PTPRD: variants seen among roughly 807,000 people sequenced by gnomAD.
PTPRD encodes protein tyrosine phosphatase receptor type D.
Under a neutral mutation model 214.5 loss-of-function variants are expected in PTPRD, and 34 were observed. The ratio of observed to expected loss-of-function variants is 0.16; its 90% CI spans 0.12 to 0.21. The LOEUF is 0.21. PTPRD is among the 10% of genes least tolerant of loss of function. The probability of loss-of-function intolerance (pLI) is 1.00; values close to 1 mark genes in which losing one functional copy is unlikely to be tolerated. For synonymous variants in PTPRD, 1,128 were observed against 845.7 expected, an observed-to-expected ratio of 1.33 and a Z score of -5.79; for missense variants, 2,545 against 2,398.7, an observed-to-expected ratio of 1.06 and a Z score of -1.27.
intron 3 of PTPRD, among the ~76,000 whole-genome samples, chr9:10,116,345 A>AG (rs1008342026): frequency 1.3e-5 from 2 of 152,116 alleles, no homozygotes; most frequent in African/African-American, 4.8e-5. Flanking sequence ...GAATTAGTTC[A>AG]GGGGGTCACT....
chr9:9,847,035 T>C (rs946218849), intron 5 of PTPRD, among the ~76,000 whole-genome samples: 1 of 152,138 alleles, frequency 6.6e-6, no homozygotes, highest in Non-Finnish European at 1.5e-5. Context: ...TTCAAGTAAT[T>C]AGGTTTTTCT....
intron 3 of PTPRD, among the ~76,000 whole-genome samples, chr9:10,039,395 C>T (rs78445100): frequency 6.6e-6 from 1 of 151,918 alleles, no homozygotes; most frequent in Non-Finnish European, 1.5e-5. Flanking sequence ...GGAAAAAGGA[C>T]CTATATGAGT....
intron 3 of PTPRD, among the ~76,000 whole-genome samples, chr9:10,308,755 T>G (rs928030850): frequency 6.6e-6 from 1 of 152,062 alleles, no homozygotes; most frequent in African/African-American, 2.4e-5. Context: ...GCAGTTTTCC[T>G]TGCAGAGGTT....
chr9:8,858,796 A>AACACACACACACACACACACAC (rs71317379), intron 11 of PTPRD, among the ~76,000 whole-genome samples: 4 of 141,790 alleles, frequency 2.8e-5, no homozygotes, highest in Admixed American at 7.1e-5. Flanking sequence ...TGAAGGAGGC[A>AACACACACACACACACACACAC]ACACACACAC....
Position 9,203,996 on chromosome 9 carries a change from G to T in PTPRD, c.-202-20633C>A, listed in dbSNP as rs181243209. On this transcript the variant is annotated intron_variant, in intron 9 of 45. Coordinates refer to ENST00000381196, the MANE Select transcript of PTPRD (RefSeq NM_002839.4). Reference sequence around the variant, plus strand: ...ATAGGCACAATATATCTCTGATTTGGGGATCAGATTAAATTGGGAACACTG... The same window carrying T: ...ATAGGCACAATATATCTCTGATTTGTGGATCAGATTAAATTGGGAACACTG... Among the ~76,000 whole-genome samples the T allele has an allele frequency of 8.4e-3, 1,278 of 152,138 alleles. 9 individuals are homozygous for T. The highest frequency in any genetic ancestry group is 0.014 in the Non-Finnish European group (937 of 67,976).
intron 35 of PTPRD, among the ~76,000 whole-genome samples, chr9:8,418,366 T>C (rs10815864): frequency 0.13 from 19,326 of 152,114 alleles, 1,231 homozygotes; most frequent in South Asian, 0.14. Flanking sequence ...GGAGCATCCA[T>C]TTGGCAACTA....
At chr9:9,159,100 ACACT>A (rs1449652188) in intron 10 of PTPRD, among the ~76,000 whole-genome samples, 5 of 152,224 alleles carry the variant, frequency 3.3e-5, no homozygotes, top group African/African-American at 1.2e-4. Flanking sequence ...ATCTAACTTC[ACACT>A]CAATAGTGAA....
chr9:8,806,319 T>C (rs1223531660), intron 11 of PTPRD, among the ~76,000 whole-genome samples: 2 of 152,088 alleles, frequency 1.3e-5, no homozygotes, highest in Non-Finnish European at 2.9e-5. Context: ...TATCACACTT[T>C]CATTTCCAAA....
At chr9:8,668,027 G>A (rs1274581542) in intron 12 of PTPRD, among the ~76,000 whole-genome samples, 1 of 151,950 alleles carries the variant, frequency 6.6e-6, no homozygotes, top group Admixed American at 6.6e-5. Context: ...ATAAATCATG[G>A]GGTTAAGTTG....
At chr9:10,375,700 C>G (rs1184385230) in intron 2 of PTPRD, among the ~76,000 whole-genome samples, 1 of 151,848 alleles carries the variant, frequency 6.6e-6, no homozygotes, top group African/African-American at 2.4e-5. Flanking sequence ...GTTACTTTCC[C>G]TTTGAGGAGA....
chr9:8,828,712 CATCTCTAAA>C (rs1555397561), intron 11 of PTPRD, among the ~76,000 whole-genome samples: 1 of 152,124 alleles, frequency 6.6e-6, no homozygotes, highest in Non-Finnish European at 1.5e-5. Flanking sequence ...ATTATCTACG[CATCTCTAAA>C]AAACATATAT....
At chr9:9,513,019 G>T (rs1220325669) in intron 8 of PTPRD, among the ~76,000 whole-genome samples, 1 of 151,750 alleles carries the variant, frequency 6.6e-6, no homozygotes, top group Non-Finnish European at 1.5e-5. Flanking sequence ...TTGGGATCTA[G>T]ATGTGTTACT....
intron 3 of PTPRD, among the ~76,000 whole-genome samples, chr9:10,055,083 C>T (rs921439372): frequency 3.3e-5 from 5 of 152,112 alleles, no homozygotes; most frequent in African/African-American, 4.8e-5. Context: ...TGGCCCTCTG[C>T]AAGTTGAAGA....
intron 3 of PTPRD, among the ~76,000 whole-genome samples, chr9:10,315,802 C>T (rs1054537968): frequency 6.6e-6 from 1 of 151,904 alleles, no homozygotes; most frequent in African/African-American, 2.4e-5. Flanking sequence ...ATTTTGCACT[C>T]AAGCTGGTTG....
intron 12 of PTPRD, among the ~76,000 whole-genome samples, chr9:8,716,974 T>C (rs982145086): frequency 1.3e-5 from 2 of 152,148 alleles, no homozygotes; most frequent in African/African-American, 4.8e-5. Flanking sequence ...AAGACCAGCC[T>C]AGACAACGTG....
intron 9 of PTPRD, among the ~76,000 whole-genome samples, chr9:9,316,369 A>G (rs1267759963): frequency 6.6e-6 from 1 of 152,118 alleles, no homozygotes; most frequent in African/African-American, 2.4e-5. Context: ...AGAATACTTT[A>G]AAACTCTGCT....
chr9:9,946,737 A>G (rs181027670), intron 4 of PTPRD, among the ~76,000 whole-genome samples: 2 of 152,276 alleles, frequency 1.3e-5, no homozygotes, highest in East Asian at 3.9e-4. Context: ...ATGTAGTAAC[A>G]GACATCTAAG....
intron 7 of PTPRD, among the ~76,000 whole-genome samples, chr9:9,593,538 G>A (rs755566299): frequency 1.3e-5 from 2 of 151,964 alleles, no homozygotes; most frequent in African/African-American, 2.4e-5. Context: ...GATAAAAAAT[G>A]TTAATATGGA....
intron 8 of PTPRD, among the ~76,000 whole-genome samples, chr9:9,511,109 T>TTGCA (rs2096696218): frequency 6.6e-6 from 1 of 151,800 alleles, no homozygotes; most frequent in African/African-American, 2.4e-5. Flanking sequence ...TGTGTGTGAT[T>TTGCA]TGCAGATAGC....
Sources: gnomAD v4.1 joint callset for allele counts (sites outside exome capture counted in the v4.1 genomes callset) on GRCh38, gnomAD v4.1.1 for gene constraint, MANE v1.5 for transcripts, NCBI Gene and HGNC (gene_info 2026-07-23, HGNC 2026-07-21) for gene names.